Variants in OPCML observed in about 807,000 individuals in gnomAD.
The protein encoded by OPCML is opioid binding protein/cell adhesion molecule like.
In OPCML, 13 loss-of-function variants were observed where a neutral mutation model predicts 37.8. That is an observed-to-expected ratio of 0.34 (90% confidence interval 0.22 to 0.55). The LOEUF (loss-of-function observed/expected upper bound fraction) is 0.55, where lower values mean the gene tolerates loss of function less well. OPCML is among the 20% of genes least tolerant of loss of function. The probability of loss-of-function intolerance (pLI) is 0.91; values close to 1 mark genes in which losing one functional copy is unlikely to be tolerated. For missense variants in OPCML, 341 were observed against 435.6 expected (o/e 0.78, Z 1.93); for synonymous variants, 176 against 168.8 (o/e 1.04, Z -0.33).
At chr11:133,012,954 C>T (rs986647934) in intron 1 of OPCML, among the ~76,000 whole-genome samples, 3 of 152,040 alleles carry the variant, frequency 2.0e-5, no homozygotes, top group Admixed American at 1.3e-4. Context: ...TCTACTCAGA[C>T]TTTCAATGGC....
intron 1 of OPCML, among the ~76,000 whole-genome samples, chr11:133,521,645 T>A: frequency 6.6e-6 from 1 of 152,242 alleles, no homozygotes; most frequent in Non-Finnish European, 1.5e-5. Context: ...CAGTGCCAAG[T>A]AAGACTGGGC....
chr11:133,020,096 G>A (rs914610738), intron 1 of OPCML, among the ~76,000 whole-genome samples: 6 of 152,218 alleles, frequency 3.9e-5, no homozygotes, highest in Non-Finnish European at 7.3e-5. Flanking sequence ...TGTCTAGCTC[G>A]CCAGAGCTAA....
intron 1 of OPCML, among the ~76,000 whole-genome samples, chr11:133,481,444 A>AAATAAATAAAT (rs57311169): frequency 0.019 from 2,854 of 150,092 alleles, 61 homozygotes; most frequent in South Asian, 0.065. Context: ...CCCAGTTAAA[A>AAATAAATAAAT]AAATAAATAA....
At chr11:132,948,357 G>A (rs1437451675) in intron 1 of OPCML, among the ~76,000 whole-genome samples, 1 of 152,242 alleles carries the variant, frequency 6.6e-6, no homozygotes, top group Non-Finnish European at 1.5e-5. Context: ...AGGCAAGGTA[G>A]GCAAACTTCA....
rs897454684 is a variant in OPCML at position 133,211,068 on chromosome 11, A to G, written c.62-268058T>C. ...AAACTATAACCACCTAGTAATAGAA[A>G]TGAAATGAGGCATCATTCAAAACAG... On this transcript the variant is annotated intron_variant, in intron 1 of 7. Coordinates refer to ENST00000524381, the MANE Select transcript of OPCML (RefSeq NM_001012393.5). This position sits in a 1 kb window ranked among gnomAD's most constrained non-coding sequence, Gnocchi z 4.1. Among the ~76,000 whole-genome samples the G allele has an allele frequency of 6.6e-6, 1 of 152,238 alleles. No individual in the cohort carries two copies. The highest frequency in any genetic ancestry group is 6.5e-5 in the Admixed American group (1 of 15,288).
At chr11:133,025,959 T>C in intron 1 of OPCML, 1 of 529,710 alleles carries the variant, frequency 1.9e-6, no homozygotes, top group Non-Finnish European at 2.4e-6. Flanking sequence ...GGTCTCGAAC[T>C]CCTGACCTCA....
chr11:133,070,519 C>T (rs912771580), intron 1 of OPCML, among the ~76,000 whole-genome samples: 2 of 152,168 alleles, frequency 1.3e-5, no homozygotes, highest in Admixed American at 1.3e-4. Flanking sequence ...ATTCTATTGC[C>T]TATGGACGAA....
intron 1 of OPCML, among the ~76,000 whole-genome samples, chr11:133,403,913 A>G (rs1945464936): frequency 1.3e-5 from 2 of 152,220 alleles, no homozygotes. Context: ...GTGTTGTGTT[A>G]GATGTATACA....
intron 2 of OPCML, among the ~76,000 whole-genome samples, chr11:132,856,517 G>A (rs547815215): frequency 3.9e-5 from 6 of 152,286 alleles, no homozygotes; most frequent in East Asian, 3.9e-4. Context: ...CAGCACCAGG[G>A]AAAGACAGTC....
chr11:132,531,251 G>T (rs574041262), intron 3 of OPCML, among the ~76,000 whole-genome samples: 1 of 152,300 alleles, frequency 6.6e-6, no homozygotes, highest in East Asian at 1.9e-4. Context: ...GCTTTGAATG[G>T]AAGACTTTAG....
chr11:133,305,022 C>T lies in OPCML; in HGVS notation c.61+227242G>A, dbSNP rs186629482. Among the ~76,000 whole-genome samples the T allele has an allele frequency of 1.6e-3, 246 of 152,218 alleles. 2 individuals carry two copies. The highest frequency in any genetic ancestry group is 5.3e-3 in the African/African-American group (221 of 41,544). On this transcript the variant is annotated intron_variant, in intron 1 of 7. Transcript: ENST00000524381. Reference sequence around the variant, plus strand: ...ACTGCAACTCAGATGGAGTAAGCAACGCCCCTGCCCTGCAGCTTTTCATGC... The same window carrying T: ...ACTGCAACTCAGATGGAGTAAGCAATGCCCCTGCCCTGCAGCTTTTCATGC...
At chr11:132,492,848 A>G (rs905282486) in intron 4 of OPCML, among the ~76,000 whole-genome samples, 1 of 152,186 alleles carries the variant, frequency 6.6e-6, no homozygotes, top group Admixed American at 6.5e-5. Flanking sequence ...TGCTCAGTAA[A>G]TATTTTGAAT....
chr11:132,600,274 C>G (rs1178117496), intron 3 of OPCML, among the ~76,000 whole-genome samples: 2 of 152,224 alleles, frequency 1.3e-5, no homozygotes, highest in African/African-American at 4.8e-5. Context: ...AAGCCACTCA[C>G]TCGGGTGGAT....
At chr11:133,451,132 C>T (rs569257401) in intron 1 of OPCML, among the ~76,000 whole-genome samples, 1 of 151,638 alleles carries the variant, frequency 6.6e-6, no homozygotes, top group Non-Finnish European at 1.5e-5. Flanking sequence ...TGAGAGAAAT[C>T]CATGTTTAAA....
intron 4 of OPCML, among the ~76,000 whole-genome samples, chr11:132,485,709 T>G (rs1436248637): frequency 6.6e-6 from 1 of 152,240 alleles, no homozygotes. Context: ...TTGAAGTTTA[T>G]CCATGTTGTA....
At chr11:133,030,959 T>A (rs186866173) in intron 1 of OPCML, among the ~76,000 whole-genome samples, 6 of 152,246 alleles carry the variant, frequency 3.9e-5, no homozygotes, top group Admixed American at 1.3e-4. Context: ...TAGGGAAAAT[T>A]GGGGAAATGT....
chr11:133,209,945 A>T (rs1011947037), intron 1 of OPCML, among the ~76,000 whole-genome samples: 1 of 152,216 alleles, frequency 6.6e-6, no homozygotes, highest in Non-Finnish European at 1.5e-5. Flanking sequence ...GGAGGAAGCA[A>T]CTGTTGTGAT....
At chr11:132,478,489 C>T (rs2096165327) in intron 4 of OPCML, among the ~76,000 whole-genome samples, 1 of 152,080 alleles carries the variant, frequency 6.6e-6, no homozygotes, top group South Asian at 2.1e-4. Flanking sequence ...TTAACATGAG[C>T]CCCCCAAAGA....
intron 1 of OPCML, among the ~76,000 whole-genome samples, chr11:133,366,712 T>C (rs547438458): frequency 2.0e-5 from 3 of 152,360 alleles, no homozygotes; most frequent in African/African-American, 7.2e-5. Context: ...TTTTGCTCTC[T>C]TGTTTGTAAT....
Sources: allele counts gnomAD v4.1 joint callset (sites outside exome capture counted in the v4.1 genomes callset), GRCh38; gene constraint gnomAD v4.1.1; non-coding constraint Gnocchi (gnomAD v3.1); transcripts MANE v1.5; gene names NCBI Gene and HGNC (gene_info 2026-07-23, HGNC 2026-07-21).